The following RBPMS variants were observed in gnomAD, a reference collection of about 807,000 sequenced individuals.
The protein encoded by RBPMS is RNA binding protein, mRNA processing factor, also known as RNA-binding protein with multiple splicing.
In RBPMS, 7 loss-of-function variants were observed where a neutral mutation model predicts 26.8. The observed-to-expected ratio is 0.26, with a 90% CI of 0.15 to 0.49. The LOEUF (loss-of-function observed/expected upper bound fraction) is 0.49, where lower values mean the gene tolerates loss of function less well. Among genes scored for constraint, RBPMS ranks in the 20% least tolerant of loss-of-function variants. The probability of loss-of-function intolerance (pLI) is 0.98; values close to 1 mark genes in which losing one functional copy is unlikely to be tolerated. For synonymous variants in RBPMS, 96 were observed against 93.3 expected (o/e 1.03, Z -0.17); for missense variants, 186 against 250.0 (o/e 0.74, Z 1.73).
chr8:30,528,760 C>T (rs949103564), intron 5 of RBPMS, among the ~76,000 whole-genome samples: 1 of 152,144 alleles, frequency 6.6e-6, no homozygotes. Context: ...AGCTGCTCAT[C>T]TGAGGTTTTA....
At chr8:30,502,483 G>A (rs1334086786) in intron 4 of RBPMS, among the ~76,000 whole-genome samples, 3 of 152,198 alleles carry the variant, frequency 2.0e-5, no homozygotes, top group African/African-American at 4.8e-5. Context: ...TCAGGTTAAT[G>A]TGAACTCAGG....
intron 1 of RBPMS, among the ~76,000 whole-genome samples, chr8:30,440,336 C>T (rs182635335): frequency 1.3e-5 from 2 of 152,238 alleles, no homozygotes; most frequent in South Asian, 2.1e-4. Context: ...TAAACAACAG[C>T]TCGCTGTCCC....
chr8:30,555,914 A>T, intron 6 of RBPMS: 2 of 984,448 alleles, frequency 2.0e-6, no homozygotes, highest in Non-Finnish European at 2.4e-6. Context: ...GTTCCCCCCC[A>T]CCGGGCCGGC....
chr8:30,568,450 C>T (rs994492312), intron 8 of RBPMS, among the ~76,000 whole-genome samples: 3 of 152,192 alleles, frequency 2.0e-5, no homozygotes, highest in Non-Finnish European at 4.4e-5. Flanking sequence ...CATCTGTCCC[C>T]ACGTTCTGAG....
At chr8:30,556,310 C>T (rs1826906030) in intron 6 of RBPMS, 1 of 985,714 alleles carries the variant, frequency 1.0e-6, no homozygotes, top group Non-Finnish European at 1.2e-6. Context: ...TGGAGTGCGC[C>T]TCGACCAGGC....
At chr8:30,386,085 C>G (rs1339580224) in intron 1 of RBPMS, among the ~76,000 whole-genome samples, 1 of 152,172 alleles carries the variant, frequency 6.6e-6, no homozygotes, top group Non-Finnish European at 1.5e-5. Flanking sequence ...AGTTCTTAAA[C>G]ATTCTAGAGG....
At chr8:30,511,183 C>T (rs1441942736) in intron 5 of RBPMS, among the ~76,000 whole-genome samples, 2 of 151,898 alleles carry the variant, frequency 1.3e-5, no homozygotes, top group Middle Eastern at 3.4e-3. Context: ...GGCGTGGCAG[C>T]GCTCACCTGT....
chr8:30,442,489 C>T (rs557665122), intron 1 of RBPMS: 1 of 152,186 alleles, frequency 6.6e-6, no homozygotes, highest in African/African-American at 2.4e-5. Context: ...TCTTCTGTTT[C>T]TGTAAACCTT....
In RBPMS at chr8:30,460,503, C is replaced by T. The variant is rs77845695; in HGVS notation, c.67-14276C>T. Among the ~76,000 whole-genome samples, 1,448 of 152,254 alleles carry T rather than the reference C, an allele frequency of 9.5e-3. 24 individuals are homozygous for T. The highest frequency in any genetic ancestry group is 0.029 in the African/African-American group (1,200 of 41,524). On this transcript the variant is annotated intron_variant, in intron 1 of 8. Transcript: ENST00000397323. ...ATATACATCTATGCTCTGTGAACGT[C>T]CCTAGGCTTGACACTCTTAGTCTTT... is the stretch of plus-strand genomic sequence containing the variant.
chr8:30,482,656 G>A (rs761907704), intron 4 of RBPMS, among the ~76,000 whole-genome samples: 2 of 152,092 alleles, frequency 1.3e-5, no homozygotes, highest in Non-Finnish European at 2.9e-5. Context: ...TGTTTCTATA[G>A]CAAAAAGTCC....
At chr8:30,441,730 TAAAGG>T (rs1413005619) in intron 1 of RBPMS, among the ~76,000 whole-genome samples, 1 of 152,192 alleles carries the variant, frequency 6.6e-6, no homozygotes. Context: ...TAAAAAGGGG[TAAAGG>T]AATGTTCTGA....
chr8:30,525,130 C>T (rs1823441912), intron 5 of RBPMS, among the ~76,000 whole-genome samples: 2 of 152,190 alleles, frequency 1.3e-5, no homozygotes, highest in South Asian at 4.1e-4. Flanking sequence ...TAAAGATTAG[C>T]AAAGTTTTTA....
intron 1 of RBPMS, chr8:30,446,843 G>GTGTGCA (rs1563326509): frequency 3.8e-4 from 22 of 57,878 alleles, no homozygotes; most frequent in African/African-American, 2.0e-3. Context: ...GTGTGTGTGT[G>GTGTGCA]CGCGCGCGCG....
chr8:30,555,518 T>A (rs1443232613), intron 6 of RBPMS, among the ~76,000 whole-genome samples: 2 of 152,184 alleles, frequency 1.3e-5, no homozygotes, highest in Non-Finnish European at 2.9e-5. Context: ...CCCCTGGAAT[T>A]GTGTGCAAGA....
In RBPMS at chr8:30,384,669, T is replaced by TC. The variant is rs1284969139; in HGVS notation, c.-422dup. On this transcript the variant is annotated 5_prime_UTR_variant, in exon 1 of 9. Coordinates refer to ENST00000397323, the MANE Select transcript of RBPMS (RefSeq NM_001008710.3). This position sits in a 1 kb window ranked among gnomAD's most constrained non-coding sequence, Gnocchi z 5.6. ...CTCCTCTCTAGGCACCCCCGTCCCC[T>TC]CCTTCCAGCGGCTGCAGCCCCCAGC... 1 of 151,404 alleles carries TC rather than the reference T, an allele frequency of 6.6e-6. No homozygotes were observed. Among genetic ancestry groups the TC allele is most frequent in the African/African-American group, 2.6e-5 (1 of 37,838 alleles). The allele number at this position is 151,404 out of a possible 1,614,324, so 9.4% of individuals were successfully genotyped here. A position where few individuals can be genotyped will look rare whatever the true frequency, so the allele number is the denominator to read the frequency against.
intron 5 of RBPMS, among the ~76,000 whole-genome samples, chr8:30,542,013 G>A (rs557709212): frequency 8.5e-5 from 13 of 152,196 alleles, no homozygotes; most frequent in Non-Finnish European, 1.9e-4. Flanking sequence ...GTCAGACCAC[G>A]TATCTTTTGA....
chr8:30,452,292 G>C lies in RBPMS; in HGVS notation c.67-22487G>C, dbSNP rs7001728. On this transcript the variant is annotated intron_variant, in intron 1 of 8. Coordinates refer to ENST00000397323, the MANE Select transcript of RBPMS (RefSeq NM_001008710.3). ...AAGGTACGGGAGAACTGGAAGCAAT[G>C]AGTAACTCATGTTTGATGTACAGAG... 4.4e-3 allele frequency among the ~76,000 whole-genome samples: 675 copies of C among 152,240 alleles called. 9 individuals carry two copies. The highest frequency in any genetic ancestry group is 0.016 in the African/African-American group (659 of 41,530).
chr8:30,477,122 G>A (rs115337790), intron 2 of RBPMS, among the ~76,000 whole-genome samples: 1,812 of 152,106 alleles, frequency 0.012, 34 homozygotes, highest in African/African-American at 0.04. Flanking sequence ...TGACGCCATC[G>A]GCTCACTGCA....
intron 1 of RBPMS, among the ~76,000 whole-genome samples, chr8:30,420,720 G>C (rs1266113161): frequency 5.3e-5 from 8 of 152,182 alleles, no homozygotes; most frequent in Non-Finnish European, 1.0e-4. Context: ...CTTATGCAGG[G>C]AATCAACCTA....
Sources: allele counts gnomAD v4.1 joint callset (sites outside exome capture counted in the v4.1 genomes callset), GRCh38; gene constraint gnomAD v4.1.1; non-coding constraint Gnocchi (gnomAD v3.1); transcripts MANE v1.5; gene names NCBI Gene and HGNC (gene_info 2026-07-23, HGNC 2026-07-21).